The following VPS4A variants were observed in gnomAD, a reference collection of about 807,000 sequenced individuals.
The protein encoded by VPS4A is vacuolar protein sorting 4 homolog A.
Under a neutral mutation model 52.3 loss-of-function variants are expected in VPS4A, and 20 were observed. That is an observed-to-expected ratio of 0.38 (90% confidence interval 0.27 to 0.56). The LOEUF (loss-of-function observed/expected upper bound fraction) is 0.56, where lower values mean the gene tolerates loss of function less well. Among genes scored for constraint, VPS4A ranks in the 20% least tolerant of loss-of-function variants. VPS4A has a pLI of 0.72. For synonymous variants in VPS4A, 293 were observed against 227.7 expected (o/e 1.29, Z -2.58); for missense variants, 419 against 575.9 (o/e 0.73, Z 2.79).
At chr16:69,314,212 C>G (rs1415902187) in intron 1 of VPS4A, among the ~76,000 whole-genome samples, 2 of 152,010 alleles carry the variant, frequency 1.3e-5, no homozygotes, top group African/African-American at 4.8e-5. Context: ...GGTGATCCGC[C>G]CGCCTCCGCG....
Position 69,322,716 on chromosome 16 carries a change from G to T in VPS4A, c.1212+16G>T. On this transcript the variant is annotated intron_variant, in intron 10 of 10. Coordinates refer to ENST00000254950, the MANE Select transcript of VPS4A (RefSeq NM_013245.3). ...GGTTTGCATGGTAAGTGACTTGACAGGGGAGGGAAGAGGGCTGCACAGAGC... is the reference window on the plus strand; with the variant it reads ...GGTTTGCATGGTAAGTGACTTGACATGGGAGGGAAGAGGGCTGCACAGAGC... 6.2e-7 allele frequency: 1 copy of T among 1,609,860 alleles called. No homozygotes were observed. The highest frequency in any genetic ancestry group is 1.1e-5 in the South Asian group (1 of 90,516).
At chr16:69,319,614 G>C in intron 6 of VPS4A, 71 bp downstream of exon 6, 2 of 1,544,028 alleles carry the variant, frequency 1.3e-6, no homozygotes, top group Non-Finnish European at 1.7e-6. Flanking sequence ...CCCACCCTGT[G>C]GAGTCACCTC....
intron 1 of VPS4A, among the ~76,000 whole-genome samples, chr16:69,312,566 A>G (rs1965389765): frequency 6.6e-6 from 1 of 152,102 alleles, no homozygotes; most frequent in Admixed American, 6.5e-5. Context: ...GTGAACCGAG[A>G]ATGTTTTTCA....
At position 69,324,349 on chromosome 16, in the gene VPS4A, A is replaced by G; in HGVS notation, c.*40A>G. ...GGGCAATGGTGAAGGTGGGAGGTTG[A>G]TTGGGGCAAATCCAGGCACTCCCCA... On this transcript the variant is annotated 3_prime_UTR_variant, in exon 11 of 11. Coordinates refer to ENST00000254950, the MANE Select transcript of VPS4A (RefSeq NM_013245.3). 4.4e-6 allele frequency: 7 copies of G among 1,595,282 alleles called. No homozygotes were observed. Among genetic ancestry groups the G allele is most frequent in the Non-Finnish European group, 5.1e-6 (6 of 1,167,852 alleles).
chr16:69,319,546 A>C lies in VPS4A; in HGVS notation c.620+3A>C, dbSNP rs1333638654. 1.2e-6 allele frequency: 2 copies of C among 1,610,486 alleles called. No homozygotes were observed. The highest frequency in any genetic ancestry group is 1.7e-6 in the Non-Finnish European group (2 of 1,178,484). On this transcript the variant is annotated splice_donor_region_variant and intron_variant, in intron 6 of 10. Coordinates refer to ENST00000254950, the MANE Select transcript of VPS4A (RefSeq NM_013245.3). ...AAGTGGCTGGGGGAGAGTGAAAAGTAAGTCGGCCACCAGGCCATGCTCTGC... is the reference window on the plus strand; with the variant it reads ...AAGTGGCTGGGGGAGAGTGAAAAGTCAGTCGGCCACCAGGCCATGCTCTGC...
Position 69,320,046 on chromosome 16 carries a change from C to T in VPS4A, c.621-95C>T. On this transcript the variant is annotated intron_variant, in intron 6 of 10. Transcript: ENST00000254950. This position sits in a 1 kb window ranked among gnomAD's most constrained non-coding sequence, Gnocchi z 4.2. ...ATTCCGGCATGACCGTGGCCTGCGC[C>T]TCCCTGTGGGAAGGGTGAGAAGAGG... is the stretch of plus-strand genomic sequence containing the variant. 6.8e-7 allele frequency: 1 copy of T among 1,474,880 alleles called. No homozygotes were observed. 91.4% of individuals were successfully genotyped at this position (1,474,880 alleles called of 1,614,324 possible).
chr16:69,314,438 C>T (rs1402937419), intron 1 of VPS4A, among the ~76,000 whole-genome samples: 3 of 152,080 alleles, frequency 2.0e-5, no homozygotes, highest in East Asian at 3.9e-4. Context: ...GTTCTGGAGA[C>T]GAGAAGCCAC....
chr16:69,319,890 C>A (rs1371057038), intron 6 of VPS4A, among the ~76,000 whole-genome samples: 1 of 152,142 alleles, frequency 6.6e-6, no homozygotes, highest in African/African-American at 2.4e-5. Context: ...AGGGGACTGA[C>A]GTGTTGTAAG....
intron 1 of VPS4A, among the ~76,000 whole-genome samples, chr16:69,315,199 A>C (rs1449493570): frequency 6.6e-6 from 1 of 152,144 alleles, no homozygotes; most frequent in Non-Finnish European, 1.5e-5. Context: ...ACTCTGTCTC[A>C]AAAAATAATA....
At position 69,316,307 on chromosome 16, in the gene VPS4A, T is replaced by C; in HGVS notation, c.216T>C (p.Asp72=). 6.2e-7 allele frequency: 1 copy of C among 1,613,780 alleles called. No individual in the cohort carries two copies. The highest frequency in any genetic ancestry group is 8.5e-7 in the Non-Finnish European group (1 of 1,179,864). The part of the protein sequence containing the change: ...QYLDRAEKLK[D]YLRSKEKHGK... ...TAGACCGGGCCGAGAAGCTGAAGGA[T>C]TATTTACGAAGCAAAGAGAAACACG... The change falls in exon 3 of 11, where the codon GAT becomes GAC. Residue 72 remains aspartate, a synonymous_variant. Transcript: ENST00000254950.
rs139752248 is a variant in VPS4A, at chr16:69,323,675, C to T, written c.1213-533C>T. On this transcript the variant is annotated intron_variant, in intron 10 of 10. Transcript: ENST00000254950. The stretch of plus-strand genomic sequence containing the variant: ...GCAGCTAAGAAGGCTCCTGGCCGGG[C>T]GCCGTGGCTCCCGCCTGTAATCCCA... The T allele has an allele frequency of 2.6e-4, 118 of 455,596 alleles. 1 individual carries two copies. In the East Asian group the frequency reaches 7.5e-3, roughly 29 times the overall value. 28.2% of individuals were successfully genotyped at this position (455,596 alleles called of 1,614,324 possible). A position where few individuals can be genotyped will look rare whatever the true frequency, so the allele number is the denominator to read the frequency against.
rs1481698348 is a variant in VPS4A, at chr16:69,320,402, C to G, written c.769+113C>G. The G allele has an allele frequency of 6.9e-7, 1 of 1,454,264 alleles. No homozygotes were observed. Among genetic ancestry groups the G allele is most frequent in the Non-Finnish European group, 9.3e-7 (1 of 1,075,450 alleles). The allele number at this position is 1,454,264 out of a possible 1,614,324, so 90.1% of individuals were successfully genotyped here. A position where few individuals can be genotyped will look rare whatever the true frequency, so the allele number is the denominator to read the frequency against. ...GTTCTCAGCCTCGGAGAGGCACTCC[C>G]CAGCTCCAGCCCCTCAGGGCACGGG... On this transcript the variant is annotated intron_variant, in intron 7 of 10. Transcript: ENST00000254950. This position sits in a 1 kb window ranked among gnomAD's most constrained non-coding sequence, Gnocchi z 4.2.
rs1007528739 is a variant in VPS4A, at chr16:69,317,463, G to T, written c.281+1091G>T. Among the ~76,000 whole-genome samples the T allele has an allele frequency of 2.0e-5, 3 of 152,134 alleles. No individual in the cohort carries two copies. In the East Asian group the frequency reaches 5.8e-4, roughly 29 times the overall value. ...ACTTGAGGTCAGGATTTCAAAACCA[G>T]CCTGGCCAACATGGTGAATCCCGTC... On this transcript the variant is annotated intron_variant, in intron 3 of 10. Coordinates refer to ENST00000254950, the MANE Select transcript of VPS4A (RefSeq NM_013245.3).
intron 10 of VPS4A, chr16:69,323,344 C>CT: frequency 4.9e-6 from 1 of 204,566 alleles, no homozygotes; most frequent in Non-Finnish European, 1.0e-5. Context: ...TAGAAACGGC[C>CT]TCACAGTGTT....
At position 69,325,269 on chromosome 16, in the gene VPS4A, T is replaced by C. The variant is rs909443606; in HGVS notation, c.*960T>C. 1 of 152,296 alleles carries C rather than the reference T, an allele frequency of 6.6e-6. No homozygotes were observed. Among genetic ancestry groups the C allele is most frequent in the Non-Finnish European group, 1.5e-5 (1 of 68,096 alleles). The allele number at this position is 152,296 out of a possible 1,614,324, so 9.4% of individuals were successfully genotyped here. ...GATGTTTGTGGGATCCAGACAGTTC[T>C]TGCCGTTGTTCGGCCTACAGATCAG... is the stretch of plus-strand genomic sequence containing the variant. On this transcript the variant is annotated 3_prime_UTR_variant, in exon 11 of 11. Coordinates refer to ENST00000254950, the MANE Select transcript of VPS4A (RefSeq NM_013245.3).
intron 1 of VPS4A, among the ~76,000 whole-genome samples, chr16:69,315,371 T>G (rs1248116268): frequency 6.6e-6 from 1 of 152,208 alleles, no homozygotes; most frequent in Non-Finnish European, 1.5e-5. Context: ...AGTACTTTTC[T>G]TACTGGAGCT....
intron 1 of VPS4A, among the ~76,000 whole-genome samples, chr16:69,314,920 AAC>A (rs1244386331): frequency 1.3e-5 from 2 of 151,684 alleles, no homozygotes; most frequent in Non-Finnish European, 2.9e-5. Context: ...CGGTTTTTAA[AAC>A]CAGGCTTTAA....
Position 69,320,394 on chromosome 16 carries a change from G to A in VPS4A, c.769+105G>A. 1 of 1,503,268 alleles carries A rather than the reference G, an allele frequency of 6.7e-7. No individual in the cohort carries two copies. The highest frequency in any genetic ancestry group is 1.9e-5 in the Admixed American group (1 of 51,620). The allele number at this position is 1,503,268 out of a possible 1,614,324, so 93.1% of individuals were successfully genotyped here. ...ATTTGGTTGTTCTCAGCCTCGGAGA[G>A]GCACTCCCCAGCTCCAGCCCCTCAG... On this transcript the variant is annotated intron_variant, in intron 7 of 10. Coordinates refer to ENST00000254950, the MANE Select transcript of VPS4A (RefSeq NM_013245.3). The surrounding 1 kb of genome is among the most constrained non-coding windows in gnomAD (Gnocchi z 4.2).
chr16:69,319,088 C>G, intron 5 of VPS4A, 146 bp downstream of exon 5: 3 of 1,241,868 alleles, frequency 2.4e-6, no homozygotes, highest in Non-Finnish European at 3.3e-6. Context: ...GTCCACAACA[C>G]TGCTGTGGCT....
Sources: gnomAD v4.1 joint callset for allele counts (sites outside exome capture counted in the v4.1 genomes callset) on GRCh38, gnomAD v4.1.1 for gene constraint, Gnocchi (gnomAD v3.1) non-coding constraint, MANE v1.5 for transcripts, NCBI Gene and HGNC (gene_info 2026-07-23, HGNC 2026-07-21) for gene names.